Variants in HDDC2 observed in about 807,000 individuals in gnomAD.
The protein encoded by HDDC2 is HD domain containing 2, also known as 5'-deoxynucleotidase HDDC2.
A neutral mutation model predicts 25.5 loss-of-function variants in HDDC2; 25 were observed. The observed-to-expected ratio is 0.98, with a 90% CI of 0.72 to 1.37. The LOEUF (loss-of-function observed/expected upper bound fraction) is 1.37. Ranked by LOEUF, HDDC2 falls within the 40% of genes most tolerant of loss-of-function variation. The pLI, the probability that HDDC2 is intolerant of heterozygous loss-of-function variation, is 0.00. For missense variants in HDDC2, 264 were observed against 253.1 expected (o/e 1.04, Z -0.29); for synonymous variants, 106 against 89.7 (o/e 1.18, Z -1.03).
chr6:125,289,541 C>G (rs1396217994), intron 4 of HDDC2, among the ~76,000 whole-genome samples: 2 of 151,278 alleles, frequency 1.3e-5, no homozygotes, highest in Admixed American at 1.3e-4. Context: ...AAAACATTTC[C>G]TTCTTCCTGG....
chr6:125,286,824 G>A (rs1304507458), intron 4 of HDDC2, among the ~76,000 whole-genome samples: 3 of 152,166 alleles, frequency 2.0e-5, no homozygotes, highest in African/African-American at 7.2e-5. Context: ...AATCAGAGTA[G>A]ATGAGAGTGA....
At chr6:125,301,480 G>A (rs1278948491) in intron 1 of HDDC2, among the ~76,000 whole-genome samples, 1 of 106,904 alleles carries the variant, frequency 9.4e-6, no homozygotes, top group African/African-American at 4.8e-5. Context: ...CTGGGGTCGT[G>A]AGCACACACA....
At chr6:125,281,745 G>T (rs113915851) in intron 4 of HDDC2, among the ~76,000 whole-genome samples, 1,830 of 152,260 alleles carry the variant, frequency 0.012, 7 homozygotes, top group Admixed American at 0.016. Flanking sequence ...AAAAGTGATG[G>T]GGAGAATGGA....
intron 3 of HDDC2, among the ~76,000 whole-genome samples, chr6:125,294,300 AT>A (rs1798673891): frequency 6.6e-6 from 1 of 152,246 alleles, no homozygotes; most frequent in Admixed American, 6.5e-5. Flanking sequence ...GAGAAAAAAA[AT>A]GTTACAGAAT....
chr6:125,276,808 T>G, intron 5 of HDDC2: 1 of 384,232 alleles, frequency 2.6e-6, no homozygotes, highest in Admixed American at 4.2e-5. Flanking sequence ...CTCTAAGCTA[T>G]TGTATGTCCA....
intron 3 of HDDC2, among the ~76,000 whole-genome samples, chr6:125,298,330 G>A (rs972941420): frequency 1.1e-4 from 17 of 152,172 alleles, no homozygotes; most frequent in Non-Finnish European, 1.9e-4. Context: ...AACACAACAA[G>A]CAAAATCCAA....
intron 5 of HDDC2, chr6:125,276,616 G>A (rs1583047082): frequency 7.5e-6 from 2 of 268,408 alleles, no homozygotes; most frequent in East Asian, 8.8e-5. Context: ...ATTAAGTAAG[G>A]AGAATGAAGC....
intron 4 of HDDC2, among the ~76,000 whole-genome samples, chr6:125,283,665 G>C (rs1439434821): frequency 6.6e-6 from 1 of 152,052 alleles, no homozygotes; most frequent in Non-Finnish European, 1.5e-5. Context: ...GGAAATAAGA[G>C]GACACAAACA....
At chr6:125,280,569 T>C (rs1354607969) in intron 4 of HDDC2, among the ~76,000 whole-genome samples, 3 of 152,184 alleles carry the variant, frequency 2.0e-5, no homozygotes, top group Non-Finnish European at 4.4e-5. Flanking sequence ...GCGTCCGCCA[T>C]TTCTGAGGCT....
rs998904874 is a variant in HDDC2, at chr6:125,298,570, T to A, written c.309+144A>T. 3 of 639,752 alleles carry A rather than the reference T, an allele frequency of 4.7e-6. No individual in the cohort carries two copies. In the African/African-American group the frequency reaches 5.5e-5, roughly 12 times the overall value. 39.6% of individuals were successfully genotyped at this position (639,752 alleles called of 1,614,324 possible). ...AGGCCCTGAATCTCTAAAAATATCT[T>A]CCCCTGACCTTCCCCTTCCTAAGAC... On this transcript the variant is annotated intron_variant, in intron 3 of 5. Coordinates refer to ENST00000398153, the MANE Select transcript of HDDC2 (RefSeq NM_016063.3).
chr6:125,291,618 G>A (rs1176670216), intron 4 of HDDC2, among the ~76,000 whole-genome samples: 1 of 152,118 alleles, frequency 6.6e-6, no homozygotes, highest in Admixed American at 6.5e-5. Flanking sequence ...GGTCCTCTGA[G>A]GTTTCTGAAT....
chr6:125,285,783 C>T (rs58115762), intron 4 of HDDC2, among the ~76,000 whole-genome samples: 19,034 of 152,114 alleles, frequency 0.13, 1,511 homozygotes, highest in East Asian at 0.27. Context: ...TGGACACCCA[C>T]GTAAAAAGAG....
chr6:125,290,653 T>A, intron 4 of HDDC2, among the ~76,000 whole-genome samples: 1 of 152,180 alleles, frequency 6.6e-6, no homozygotes, highest in African/African-American at 2.4e-5. Context: ...CAATACCATG[T>A]GACTACAGGG....
At chr6:125,276,794 C>A in intron 5 of HDDC2, 1 of 344,562 alleles carries the variant, frequency 2.9e-6, no homozygotes, top group Non-Finnish European at 5.3e-6. Context: ...TGGTAGCAAC[C>A]AAGCTCTAAG....
intron 3 of HDDC2, among the ~76,000 whole-genome samples, chr6:125,294,818 G>C (rs191938028): frequency 6.6e-6 from 1 of 152,150 alleles, no homozygotes; most frequent in Admixed American, 6.5e-5. Context: ...TTTAAGTGCA[G>C]TGTAAGACTG....
chr6:125,297,439 G>A, intron 3 of HDDC2: 1 of 396,866 alleles, frequency 2.5e-6, no homozygotes, highest in Non-Finnish European at 4.4e-6. Flanking sequence ...TGGGTAGGTT[G>A]GAACTCTTAA....
In HDDC2 at chr6:125,298,759, T is replaced by A; in HGVS notation, c.264A>T (p.Ala88=). 6.2e-7 allele frequency: 1 copy of A among 1,614,168 alleles called. No homozygotes were observed. Among genetic ancestry groups the A allele is most frequent in the South Asian group, 1.1e-5 (1 of 91,086 alleles). Reference sequence around the variant, plus strand: ...CTTCTTTGGGGATGTTATCTGCTGGTGCTATGTCCCCAACGATGCATTCTG... The same window carrying A: ...CTTCTTTGGGGATGTTATCTGCTGGAGCTATGTCCCCAACGATGCATTCTG... ...DMAECIVGDI[A]PADNIPKEEK... Residue 88 remains alanine, a synonymous_variant, in exon 3 of 6, where the codon GCA becomes GCT. Coordinates refer to ENST00000398153, the MANE Select transcript of HDDC2 (RefSeq NM_016063.3).
At chr6:125,284,494 G>T (rs2115104952) in intron 4 of HDDC2, among the ~76,000 whole-genome samples, 1 of 152,254 alleles carries the variant, frequency 6.6e-6, no homozygotes, top group South Asian at 2.1e-4. Flanking sequence ...CCATCAAAAA[G>T]TGGGCAAAGG....
At position 125,275,774 on chromosome 6, in the gene HDDC2, A is replaced by G; in HGVS notation, c.*372T>C. On this transcript the variant is annotated 3_prime_UTR_variant, in exon 6 of 6. Transcript: ENST00000398153. The stretch of plus-strand genomic sequence containing the variant: ...AAATCAGCTGAAGAATCTGTTCTTA[A>G]AAGCAATCATAATGAAATTTTCTAT... 5.4e-6 allele frequency: 1 copy of G among 184,512 alleles called. No individual in the cohort carries two copies. Among genetic ancestry groups the G allele is most frequent in the South Asian group, 1.4e-4 (1 of 7,224 alleles). 11.4% of individuals were successfully genotyped at this position (184,512 alleles called of 1,614,324 possible). A position where few individuals can be genotyped will look rare whatever the true frequency, so the allele number is the denominator to read the frequency against.
Sources: allele counts gnomAD v4.1 joint callset (sites outside exome capture counted in the v4.1 genomes callset), GRCh38; gene constraint gnomAD v4.1.1; transcripts MANE v1.5; gene names NCBI Gene and HGNC (gene_info 2026-07-23, HGNC 2026-07-21).